Variants in NELL1 observed in about 807,000 individuals in gnomAD.
NELL1 encodes protein kinase C-binding protein NELL1.
A neutral mutation model predicts 107.4 loss-of-function variants in NELL1; 76 were observed. That is an observed-to-expected ratio of 0.71 (90% confidence interval 0.59 to 0.86). The LOEUF (loss-of-function observed/expected upper bound fraction) is 0.86. NELL1 is among the 40% of genes least tolerant of loss of function. The pLI is 0.00. For synonymous variants in NELL1, 353 were observed against 341.2 expected (o/e 1.03, Z -0.38); for missense variants, 1,024 against 1,005.5 (o/e 1.02, Z -0.25).
chr11:20,898,639 C>G (rs994741869), intron 5 of NELL1, among the ~76,000 whole-genome samples: 4 of 150,354 alleles, frequency 2.7e-5, no homozygotes, highest in East Asian at 3.9e-4. Context: ...TAAATTATGA[C>G]CATTCTTGCA....
chr11:21,165,069 A>C (rs1253411244), intron 13 of NELL1, among the ~76,000 whole-genome samples: 2 of 152,098 alleles, frequency 1.3e-5, no homozygotes, highest in African/African-American at 2.4e-5. Context: ...ATTCATGTTG[A>C]GTTATTGTTA....
chr11:21,422,298 T>C (rs542485275), intron 15 of NELL1, among the ~76,000 whole-genome samples: 1 of 152,266 alleles, frequency 6.6e-6, no homozygotes, highest in South Asian at 2.1e-4. Flanking sequence ...AAGATCTCAA[T>C]AAAGGTAAAT....
Position 21,463,398 on chromosome 11 carries a change from C to G in NELL1, c.1646-70976C>G, listed in dbSNP as rs190323107. ...CTCAGGCTGCCTCATCAATCAGGGT[C>G]AAAGAATATGCAGATGATTGTGGGA... On this transcript the variant is annotated intron_variant, in intron 15 of 19. Coordinates refer to ENST00000357134, the MANE Select transcript of NELL1 (RefSeq NM_006157.5). 1.6e-4 allele frequency among the ~76,000 whole-genome samples: 25 copies of G among 152,180 alleles called. No homozygotes were observed. In the East Asian group the frequency reaches 4.6e-3, roughly 28 times the overall value.
intron 13 of NELL1, among the ~76,000 whole-genome samples, chr11:21,201,738 A>G (rs1027405399): frequency 1.7e-4 from 26 of 152,222 alleles, no homozygotes; most frequent in South Asian, 2.1e-4. Flanking sequence ...GCTTTTGCCC[A>G]TTCAGTATGA....
Position 20,712,015 on chromosome 11 carries a change from G to T in NELL1, c.184+33955G>T, listed in dbSNP as rs116549964. Among the ~76,000 whole-genome samples the T allele has an allele frequency of 6.6e-3, 997 of 152,098 alleles. 7 individuals carry two copies. The highest frequency in any genetic ancestry group is 0.023 in the African/African-American group (948 of 41,508). ...CTAGATCTTTAGTAAGGCCAGTGAG[G>T]TTTTCCTCAATTATTCCCTCAAATA... On this transcript the variant is annotated intron_variant, in intron 2 of 19. Transcript: ENST00000357134.
chr11:20,794,690 A>G (rs1857137259), intron 3 of NELL1, among the ~76,000 whole-genome samples: 1 of 151,996 alleles, frequency 6.6e-6, no homozygotes, highest in Non-Finnish European at 1.5e-5. Flanking sequence ...TGCTGATGAT[A>G]CTGATAATGA....
At chr11:21,404,963 C>G (rs1402509333) in intron 15 of NELL1, among the ~76,000 whole-genome samples, 2 of 152,012 alleles carry the variant, frequency 1.3e-5, no homozygotes, top group African/African-American at 4.8e-5. Context: ...TATTCTAGGT[C>G]CTCCACTCCC....
chr11:21,008,642 A>C (rs1460740677), intron 12 of NELL1, among the ~76,000 whole-genome samples: 1 of 152,078 alleles, frequency 6.6e-6, no homozygotes, highest in Non-Finnish European at 1.5e-5. Context: ...TGGGAGAGAT[A>C]ATTATAGGGA....
intron 12 of NELL1, among the ~76,000 whole-genome samples, chr11:21,106,602 G>A (rs985793588): frequency 1.3e-5 from 2 of 152,074 alleles, no homozygotes; most frequent in African/African-American, 4.8e-5. Context: ...CTTGGAGTAG[G>A]AAAATGAGAA....
chr11:20,981,956 T>TTCTCTCTCTCTC (rs68140364), intron 12 of NELL1, among the ~76,000 whole-genome samples: 2,100 of 148,624 alleles, frequency 0.014, 41 homozygotes, highest in African/African-American at 0.043. Context: ...CTCTCTCTCT[T>TTCTCTCTCTCTC]TCTCTCTCTC....
chr11:20,946,590 C>T (rs1024277352), intron 10 of NELL1, among the ~76,000 whole-genome samples: 3 of 152,154 alleles, frequency 2.0e-5, no homozygotes, highest in African/African-American at 7.2e-5. Context: ...TCATTCCTGC[C>T]TACATGCCTT....
At chr11:21,470,411 C>G (rs574128028) in intron 15 of NELL1, among the ~76,000 whole-genome samples, 2 of 152,124 alleles carry the variant, frequency 1.3e-5, no homozygotes, top group South Asian at 4.1e-4. Context: ...TTGTATTTCA[C>G]CATTCAAACA....
At chr11:20,938,289 A>G (rs1288844226) in intron 10 of NELL1, among the ~76,000 whole-genome samples, 3 of 152,180 alleles carry the variant, frequency 2.0e-5, no homozygotes, top group Non-Finnish European at 4.4e-5. Context: ...ATTACTTGAA[A>G]TAAGATGTAT....
At chr11:20,792,150 G>C (rs1285872611) in intron 3 of NELL1, among the ~76,000 whole-genome samples, 1 of 151,824 alleles carries the variant, frequency 6.6e-6, no homozygotes, top group Non-Finnish European at 1.5e-5. Flanking sequence ...ATATTGAATA[G>C]CTTTTTTAAG....
chr11:20,861,395 G>A (rs189023874), intron 4 of NELL1, among the ~76,000 whole-genome samples: 2 of 152,300 alleles, frequency 1.3e-5, no homozygotes, highest in East Asian at 3.9e-4. Context: ...TTTCTTGCAG[G>A]GTAGCCTGGG....
chr11:20,753,212 C>T (rs796321186), intron 2 of NELL1, among the ~76,000 whole-genome samples: 2 of 152,174 alleles, frequency 1.3e-5, no homozygotes, highest in Non-Finnish European at 2.9e-5. Flanking sequence ...TTAGAAAAAT[C>T]AAGGAGAGTG....
At chr11:21,435,700 T>C (rs1853095684) in intron 15 of NELL1, among the ~76,000 whole-genome samples, 1 of 152,112 alleles carries the variant, frequency 6.6e-6, no homozygotes, top group South Asian at 2.1e-4. Flanking sequence ...TATTATATGT[T>C]GGTGTATTGC....
At chr11:20,748,398 C>T (rs1303977532) in intron 2 of NELL1, among the ~76,000 whole-genome samples, 1 of 152,120 alleles carries the variant, frequency 6.6e-6, no homozygotes, top group Non-Finnish European at 1.5e-5. Context: ...GCTTAAGTAT[C>T]TATAAAATTT....
chr11:20,887,629 A>C (rs892293852), intron 5 of NELL1, among the ~76,000 whole-genome samples: 2 of 152,208 alleles, frequency 1.3e-5, no homozygotes, highest in Non-Finnish European at 2.9e-5. Flanking sequence ...TCCTGTCTGC[A>C]TCTCATCTCC....
Sources: gnomAD v4.1 joint callset for allele counts (sites outside exome capture counted in the v4.1 genomes callset) on GRCh38, gnomAD v4.1.1 for gene constraint, MANE v1.5 for transcripts, NCBI Gene and HGNC (gene_info 2026-07-23, HGNC 2026-07-21) for gene names.